ST8SIA6: variants seen among roughly 807,000 people sequenced by gnomAD.
The protein encoded by ST8SIA6 is ST8 alpha-N-acetyl-neuraminide alpha-2,8-sialyltransferase 6.
A neutral mutation model predicts 33.6 loss-of-function variants in ST8SIA6; 39 were observed. The observed-to-expected ratio is 1.16, with a 90% CI of 0.90 to 1.52. The LOEUF (loss-of-function observed/expected upper bound fraction) is 1.52. ST8SIA6 is among the 40% of genes most tolerant of loss of function. The pLI is 0.00. For missense variants in ST8SIA6, 441 were observed against 443.8 expected, an observed-to-expected ratio of 0.99 and a Z score of 0.06; for synonymous variants, 172 against 167.2, an observed-to-expected ratio of 1.03 and a Z score of -0.22.
intron 4 of ST8SIA6, among the ~76,000 whole-genome samples, chr10:17,336,336 G>C (rs1296973965): frequency 6.6e-6 from 1 of 152,046 alleles, no homozygotes; most frequent in Admixed American, 6.6e-5. Context: ...GACAATAAGC[G>C]CTTGAATAAC....
At chr10:17,402,106 C>A (rs574494656) in intron 2 of ST8SIA6, among the ~76,000 whole-genome samples, 2 of 152,134 alleles carry the variant, frequency 1.3e-5, no homozygotes, top group South Asian at 2.1e-4. Context: ...ACCCCATCAA[C>A]AAGTGGGCGA....
At chr10:17,395,337 A>G (rs1408910104) in intron 2 of ST8SIA6, among the ~76,000 whole-genome samples, 1 of 152,082 alleles carries the variant, frequency 6.6e-6, no homozygotes, top group Non-Finnish European at 1.5e-5. Context: ...GCTGCAGGAG[A>G]ACTCCTTTCC....
At chr10:17,322,397 A>G (rs1318417012) in intron 7 of ST8SIA6, among the ~76,000 whole-genome samples, 1 of 152,192 alleles carries the variant, frequency 6.6e-6, no homozygotes, top group African/African-American at 2.4e-5. Context: ...TGTATGATTT[A>G]AATAACTTAG....
chr10:17,418,610 C>T (rs1347786105), intron 2 of ST8SIA6, among the ~76,000 whole-genome samples: 2 of 152,202 alleles, frequency 1.3e-5, no homozygotes, highest in Non-Finnish European at 2.9e-5. Flanking sequence ...CAAGCATTCT[C>T]CTTGCTTCCC....
chr10:17,423,705 C>T (rs897116382), intron 2 of ST8SIA6, among the ~76,000 whole-genome samples: 4 of 152,170 alleles, frequency 2.6e-5, no homozygotes, highest in African/African-American at 7.2e-5. Flanking sequence ...GCCCCTCCCA[C>T]CCCTTTGTAC....
At chr10:17,422,363 A>G (rs1380479032) in intron 2 of ST8SIA6, among the ~76,000 whole-genome samples, 1 of 152,190 alleles carries the variant, frequency 6.6e-6, no homozygotes, top group Non-Finnish European at 1.5e-5. Context: ...ATTAAGAGTT[A>G]TTTTATGGGA....
intron 3 of ST8SIA6, 109 bp downstream of exon 3, chr10:17,390,422 C>T (rs1054983767): frequency 8.2e-5 from 77 of 936,918 alleles, no homozygotes; most frequent in Non-Finnish European, 1.2e-4. Context: ...AATGGTAAGC[C>T]TGAGAGTGAA....
In ST8SIA6 at chr10:17,391,452, C is replaced by T. The variant is rs192279556; in HGVS notation, c.201-832G>A. Among the ~76,000 whole-genome samples, 245 of 151,400 alleles carry T rather than the reference C, an allele frequency of 1.6e-3. 3 individuals carry two copies. Among genetic ancestry groups the T allele is most frequent in the African/African-American group, 5.5e-3 (228 of 41,310 alleles). On this transcript the variant is annotated intron_variant, in intron 2 of 7. Coordinates refer to ENST00000377602, the MANE Select transcript of ST8SIA6 (RefSeq NM_001004470.3). ...ATTTTTTGTATTTTTTTAGTAGAGACGGGGTTTCAGCATGTTAGCCAGGAT... is the reference window on the plus strand; with the variant it reads ...ATTTTTTGTATTTTTTTAGTAGAGATGGGGTTTCAGCATGTTAGCCAGGAT...
chr10:17,352,596 A>G (rs1849070507), intron 4 of ST8SIA6, among the ~76,000 whole-genome samples: 2 of 152,198 alleles, frequency 1.3e-5, no homozygotes, highest in South Asian at 4.1e-4. Context: ...ATAAAAATAT[A>G]TAGCTAATAT....
intron 3 of ST8SIA6, among the ~76,000 whole-genome samples, chr10:17,383,449 C>T (rs556782698): frequency 6.6e-6 from 1 of 152,250 alleles, no homozygotes; most frequent in South Asian, 2.1e-4. Context: ...TTATGGGAAA[C>T]TCCTGTAATT....
chr10:17,334,932 T>A (rs1240724938), intron 4 of ST8SIA6, among the ~76,000 whole-genome samples: 1 of 152,230 alleles, frequency 6.6e-6, no homozygotes, highest in Non-Finnish European at 1.5e-5. Context: ...TCTTGATAAT[T>A]GTTCCAGGGT....
intron 2 of ST8SIA6, among the ~76,000 whole-genome samples, chr10:17,440,626 G>C (rs11254598): frequency 0.34 from 52,329 of 152,004 alleles, 11,929 homozygotes; most frequent in African/African-American, 0.65. Context: ...TGCACTCTCC[G>C]TGTTCTAAAA....
At chr10:17,413,119 C>A (rs1420361891) in intron 2 of ST8SIA6, among the ~76,000 whole-genome samples, 3 of 152,112 alleles carry the variant, frequency 2.0e-5, no homozygotes, top group African/African-American at 7.2e-5. Context: ...TAAAACACCT[C>A]TTTTTCAACT....
intron 2 of ST8SIA6, among the ~76,000 whole-genome samples, chr10:17,434,457 G>A (rs1174355892): frequency 6.6e-6 from 1 of 152,174 alleles, no homozygotes; most frequent in East Asian, 1.9e-4. Flanking sequence ...GATGAATGAA[G>A]CCATTAATAA....
At chr10:17,336,767 T>C (rs1848512249) in intron 4 of ST8SIA6, among the ~76,000 whole-genome samples, 1 of 151,946 alleles carries the variant, frequency 6.6e-6, no homozygotes, top group African/African-American at 2.4e-5. Flanking sequence ...CTAATTTTTA[T>C]ATTTTTAGTA....
Position 17,315,618 on chromosome 10 carries a change from AGAAAT to A in ST8SIA6, c.*5255_*5259del, listed in dbSNP as rs1243627930. Among the ~76,000 whole-genome samples the A allele has an allele frequency of 1.3e-5, 2 of 152,060 alleles. No homozygotes were observed. The highest frequency in any genetic ancestry group is 4.8e-5 in the African/African-American group (2 of 41,460). On this transcript the variant is annotated 3_prime_UTR_variant, in exon 8 of 8. Coordinates refer to ENST00000377602, the MANE Select transcript of ST8SIA6 (RefSeq NM_001004470.3). ...TTATGTCGAGCAAAAGTGCAAGACA[AGAAAT>A]GAGTACAGACAGTAAGATTCCATTT...
At chr10:17,333,678 T>TATATATATAG (rs1848373925) in intron 4 of ST8SIA6, among the ~76,000 whole-genome samples, 1 of 18,896 alleles carries the variant, frequency 5.3e-5, no homozygotes, top group Non-Finnish European at 9.4e-5. Flanking sequence ...CTGGGATATA[T>TATATATATAG]ATATATATAT....
chr10:17,434,244 G>A (rs1588921788), intron 2 of ST8SIA6, among the ~76,000 whole-genome samples: 1 of 152,324 alleles, frequency 6.6e-6, no homozygotes, highest in East Asian at 1.9e-4. Flanking sequence ...GACCAGGGCA[G>A]AGTCCCAGAA....
chr10:17,381,521 A>C (rs1364030193), intron 3 of ST8SIA6, among the ~76,000 whole-genome samples: 5 of 152,250 alleles, frequency 3.3e-5, no homozygotes, highest in African/African-American at 1.2e-4. Context: ...GACTAGTCAC[A>C]TGCTTTTAAA....
Sources: allele counts gnomAD v4.1 joint callset (sites outside exome capture counted in the v4.1 genomes callset), GRCh38; gene constraint gnomAD v4.1.1; transcripts MANE v1.5; gene names NCBI Gene and HGNC (gene_info 2026-07-23, HGNC 2026-07-21).